GRIN3A: variants seen among roughly 807,000 people sequenced by gnomAD.
GRIN3A encodes glutamate ionotropic receptor NMDA type subunit 3A.
Under a neutral mutation model 92.4 loss-of-function variants are expected in GRIN3A, and 47 were observed. The observed-to-expected ratio is 0.51, with a 90% CI of 0.40 to 0.65. The LOEUF is 0.65. Ranked by LOEUF, GRIN3A falls within the 30% of genes least tolerant of loss-of-function variation. The pLI, the probability that GRIN3A is intolerant of heterozygous loss-of-function variation, is 0.00. For synonymous variants in GRIN3A, 527 were observed against 540.6 expected, an observed-to-expected ratio of 0.97 and a Z score of 0.35; for missense variants, 1,324 against 1,393.1, an observed-to-expected ratio of 0.95 and a Z score of 0.79.
intron 6 of GRIN3A, among the ~76,000 whole-genome samples, chr9:101,581,937 G>A (rs1203908837): frequency 6.6e-6 from 1 of 152,142 alleles, no homozygotes; most frequent in Non-Finnish European, 1.5e-5. Context: ...CAATTTATAA[G>A]GTAAATACTG....
chr9:101,628,153 A>G (rs1353629721), intron 4 of GRIN3A, 103 bp downstream of exon 4: 1 of 1,093,134 alleles, frequency 9.1e-7, no homozygotes, highest in East Asian at 2.4e-5. Flanking sequence ...CAACGTGGGT[A>G]TATTCATCTG....
In GRIN3A at chr9:101,613,223, G is replaced by A. The variant is rs530035061; in HGVS notation, c.2766+153C>T. ...CCTGTAAATTCCTATAGGAATGGAC[G>A]CTTTTTGGACAAAGTAAAAAATAAT... On this transcript the variant is annotated intron_variant, in intron 6 of 8. Transcript: ENST00000361820. 8.5e-5 allele frequency among the ~76,000 whole-genome samples: 13 copies of A among 152,278 alleles called. No individual in the cohort carries two copies. The East Asian group carries it at 1.9e-3, about 23-fold the overall frequency.
At chr9:101,581,668 G>A (rs555412042) in intron 6 of GRIN3A, among the ~76,000 whole-genome samples, 83 of 152,152 alleles carry the variant, frequency 5.5e-4, no homozygotes, top group Non-Finnish European at 9.9e-4. Context: ...AGAACTGTGG[G>A]GAATACACTT....
intron 3 of GRIN3A, among the ~76,000 whole-genome samples, chr9:101,641,805 G>A (rs897149750): frequency 4.1e-5 from 6 of 145,580 alleles, no homozygotes; most frequent in South Asian, 2.2e-4. Context: ...AAAAAAAAAC[G>A]AAATGCAATA....
At chr9:101,594,912 C>G (rs1306296472) in intron 6 of GRIN3A, 1 of 1,598,888 alleles carries the variant, frequency 6.3e-7, no homozygotes, top group Non-Finnish European at 8.5e-7. Context: ...TAACTGGCCT[C>G]GTTTCCCATT....
At chr9:101,605,325 T>C (rs1412853660) in intron 6 of GRIN3A, among the ~76,000 whole-genome samples, 1 of 152,256 alleles carries the variant, frequency 6.6e-6, no homozygotes, top group African/African-American at 2.4e-5. Flanking sequence ...ATGTGATCTC[T>C]ATTCTTTATA....
chr9:101,576,529 A>G (rs1564117353), intron 8 of GRIN3A, among the ~76,000 whole-genome samples: 2 of 152,218 alleles, frequency 1.3e-5, no homozygotes, highest in African/African-American at 2.4e-5. Context: ...ACAGTTGGAG[A>G]TGGGATCATT....
At chr9:101,702,319 T>C (rs1245353898) in intron 1 of GRIN3A, among the ~76,000 whole-genome samples, 4 of 152,148 alleles carry the variant, frequency 2.6e-5, no homozygotes, top group Non-Finnish European at 5.9e-5. Flanking sequence ...AAAATTTTTT[T>C]ATTTATTCAC....
intron 1 of GRIN3A, among the ~76,000 whole-genome samples, chr9:101,706,963 A>G (rs1306904092): frequency 6.6e-6 from 1 of 152,204 alleles, no homozygotes; most frequent in African/African-American, 2.4e-5. Context: ...CAGATTTCAG[A>G]AAAGAAACCA....
chr9:101,588,969 G>A (rs1188265362), intron 6 of GRIN3A, among the ~76,000 whole-genome samples: 1 of 147,522 alleles, frequency 6.8e-6, no homozygotes, highest in Non-Finnish European at 1.5e-5. Context: ...TTTGTGTATA[G>A]TATTTTTTTT....
chr9:101,667,288 C>T (rs1829252580), intron 3 of GRIN3A, among the ~76,000 whole-genome samples: 1 of 151,618 alleles, frequency 6.6e-6, no homozygotes, highest in Non-Finnish European at 1.5e-5. Context: ...TAAAGTATTA[C>T]CTCCAAGCAA....
intron 5 of GRIN3A, 65 bp from the exon 6 acceptor site, chr9:101,613,592 C>T: frequency 6.6e-7 from 1 of 1,520,844 alleles, no homozygotes; most frequent in Non-Finnish European, 9.1e-7. Flanking sequence ...CACCACAGTA[C>T]ATATTTGTGT....
intron 5 of GRIN3A, among the ~76,000 whole-genome samples, chr9:101,614,606 ATACTTTTTTTT>A (rs1323041046): frequency 7.1e-6 from 1 of 140,106 alleles, no homozygotes; most frequent in African/African-American, 2.7e-5. Context: ...TATATATGTG[ATACTTTTTTTT>A]TTTTTTTTTT....
At chr9:101,616,380 C>G (rs1588250056) in intron 5 of GRIN3A, among the ~76,000 whole-genome samples, 1 of 152,082 alleles carries the variant, frequency 6.6e-6, no homozygotes, top group African/African-American at 2.4e-5. Flanking sequence ...GCTACCCATC[C>G]AAACTCTTTT....
At chr9:101,629,290 C>T (rs759024662) in intron 3 of GRIN3A, among the ~76,000 whole-genome samples, 3 of 152,122 alleles carry the variant, frequency 2.0e-5, no homozygotes, top group Non-Finnish European at 2.9e-5. Flanking sequence ...CACACATACG[C>T]ACATGCACAC....
chr9:101,573,201 T>C lies in GRIN3A; in HGVS notation c.3321A>G (p.Gln1107=). Residue 1107 remains glutamine (Q), a synonymous_variant, in exon 9 of 9, where the codon CAA becomes CAG. Coordinates refer to ENST00000361820, the MANE Select transcript of GRIN3A (RefSeq NM_133445.3). The stretch of plus-strand genomic sequence containing the variant: ...AGGACTCACAAGTCCGACTTGTCCT[T>C]TGATACTCCTCCAGCTCCGTTTTCC... ...VSRKTELEEY[Q]RTSRTCES The C allele has an allele frequency of 6.2e-7, 1 of 1,614,068 alleles. No homozygotes were observed. The highest frequency in any genetic ancestry group is 8.5e-7 in the Non-Finnish European group (1 of 1,179,950).
intron 3 of GRIN3A, among the ~76,000 whole-genome samples, chr9:101,632,072 C>G (rs1030140117): frequency 6.6e-6 from 1 of 152,196 alleles, no homozygotes; most frequent in Non-Finnish European, 1.5e-5. Flanking sequence ...CCTGCTCTCC[C>G]CCTGGCCTTC....
chr9:101,699,888 G>A (rs1364298884), intron 1 of GRIN3A, among the ~76,000 whole-genome samples: 1 of 152,066 alleles, frequency 6.6e-6, no homozygotes, highest in African/African-American at 2.4e-5. Flanking sequence ...ACATCCACAG[G>A]TAAGTCATTT....
chr9:101,583,242 G>A (rs1827911571), intron 6 of GRIN3A, among the ~76,000 whole-genome samples: 1 of 152,122 alleles, frequency 6.6e-6, no homozygotes, highest in Non-Finnish European at 1.5e-5. Flanking sequence ...GCCATTTATA[G>A]GTATCCTTTT....
Sources: allele counts gnomAD v4.1 joint callset (sites outside exome capture counted in the v4.1 genomes callset), GRCh38; gene constraint gnomAD v4.1.1; transcripts MANE v1.5; gene names NCBI Gene and HGNC (gene_info 2026-07-23, HGNC 2026-07-21).